Variants in ZNF469 observed in about 807,000 individuals in gnomAD.
ZNF469 encodes zinc finger protein 469.
Under a neutral mutation model 1.0 loss-of-function variants are expected in ZNF469, and 1 was observed. That is an observed-to-expected ratio of 1.00 (90% CI 0.35 to 4.73). The LOEUF is 4.73. Among genes scored for constraint, ZNF469 ranks in the 30% most tolerant of loss-of-function variants. ZNF469 has a pLI of 0.16. For missense variants in ZNF469, 6,100 were observed against 5,356.3 expected, an observed-to-expected ratio of 1.14 and a Z score of -4.33; for synonymous variants, 2,703 against 2,363.4, an observed-to-expected ratio of 1.14 and a Z score of -4.17.
chr16:88,153,869 T>C, the ZNF469 span, among the ~76,000 whole-genome samples: 2 of 152,216 alleles, frequency 1.3e-5, no homozygotes, highest in African/African-American at 4.8e-5. Context: ...CAGAAATCCC[T>C]GGTGTCTCCT....
chr16:88,254,676 T>C, the ZNF469 span, among the ~76,000 whole-genome samples: 1 of 152,308 alleles, frequency 6.6e-6, no homozygotes, highest in East Asian at 1.9e-4. Context: ...GAGAATTGCT[T>C]GATCCTGGGA....
chr16:88,310,707 T>C, the ZNF469 span, among the ~76,000 whole-genome samples: 1 of 152,114 alleles, frequency 6.6e-6, no homozygotes, highest in East Asian at 1.9e-4. Context: ...CTCAACCTCC[T>C]GAGTAGGGAT....
At chr16:88,283,931 GCGGAGGC>G in the ZNF469 span, among the ~76,000 whole-genome samples, 1 of 135,498 alleles carries the variant, frequency 7.4e-6, no homozygotes. Context: ...CCCGAGGTCT[GCGGAGGC>G]TGGTAGACCC....
chr16:88,380,329 ACTC>A, upstream of ZNF469, among the ~76,000 whole-genome samples: 1 of 125,710 alleles, frequency 8.0e-6, no homozygotes, highest in Non-Finnish European at 1.6e-5. Context: ...TCACACATGC[ACTC>A]ACACATGCGC....
chr16:88,212,488 T>G, the ZNF469 span, among the ~76,000 whole-genome samples: 1 of 152,346 alleles, frequency 6.6e-6, no homozygotes, highest in Non-Finnish European at 1.5e-5. Flanking sequence ...TCTGTTCTCC[T>G]TTGGGTACCT....
At chr16:88,135,778 T>G in the ZNF469 span, among the ~76,000 whole-genome samples, 1,478 of 124,726 alleles carry the variant, frequency 0.012, 36 homozygotes, top group African/African-American at 0.048. Context: ...TTTTTTTTTT[T>G]GGGATGGAGT....
the ZNF469 span, among the ~76,000 whole-genome samples, chr16:88,246,266 C>G: frequency 6.6e-6 from 1 of 152,228 alleles, no homozygotes; most frequent in Non-Finnish European, 1.5e-5. Context: ...TTATTCATCC[C>G]TTCTGTATTT....
chr16:88,142,736 G>T, the ZNF469 span, among the ~76,000 whole-genome samples: 2 of 152,230 alleles, frequency 1.3e-5, no homozygotes, highest in Non-Finnish European at 2.9e-5. Context: ...AGCTCACCCT[G>T]CGGGGAGTCG....
At chr16:88,186,722 G>T in the ZNF469 span, among the ~76,000 whole-genome samples, 24 of 152,212 alleles carry the variant, frequency 1.6e-4, no homozygotes, top group African/African-American at 5.8e-4. Flanking sequence ...CCTAAGAGCT[G>T]CATGTGTGCA....
the ZNF469 span, among the ~76,000 whole-genome samples, chr16:88,316,521 G>C: frequency 9.2e-4 from 137 of 148,404 alleles, no homozygotes; most frequent in African/African-American, 3.4e-3. Flanking sequence ...AGCTTGGCTG[G>C]TGAGCACTGA....
chr16:88,378,502 C>G (rs1007364583), upstream of ZNF469, among the ~76,000 whole-genome samples: 1 of 152,196 alleles, frequency 6.6e-6, no homozygotes, highest in African/African-American at 2.4e-5. Context: ...ACCCAGGAGC[C>G]GTCCTCAGGG....
chr16:88,436,483 C>T lies in ZNF469; in HGVS notation c.9013C>T (p.Pro3005Ser). The change falls in exon 3 of 3, where the codon CCT becomes TCT. Residue 3005 changes from proline (P) to serine (S), a missense_variant. By Grantham distance (74) the Pro-to-Ser change is moderately conservative (BLOSUM62 -1). Transcript: ENST00000565624. Reference protein sequence around the residue: ...AAWRGLEMPAPADDSSSSLGD... With the variant: ...AAWRGLEMPASADDSSSSLGD... ...TTGGCGAGGCCTGGAGATGCCGGCC[C>T]CTGCCGATGACTCCTCCTCTTCTCT... The T allele has an allele frequency of 1.9e-6, 3 of 1,547,428 alleles. No homozygotes were observed. The highest frequency in any genetic ancestry group is 1.7e-4 in the Middle Eastern group (1 of 5,990).
At chr16:88,153,522 C>G in the ZNF469 span, among the ~76,000 whole-genome samples, 1 of 152,246 alleles carries the variant, frequency 6.6e-6, no homozygotes. Flanking sequence ...ACCTGCCCGT[C>G]ACAGGGTGAG....
At position 88,434,784 on chromosome 16, in the gene ZNF469, C is replaced by T. The variant is rs1906452254; in HGVS notation, c.7314C>T (p.Pro2438=). The T allele has an allele frequency of 6.5e-7, 1 of 1,550,260 alleles. No homozygotes were observed. Among genetic ancestry groups the T allele is most frequent in the Admixed American group, 2.0e-5 (1 of 50,998 alleles). ...NASHQTPQGD[P]LGPQDLKQRS... ...CCCACCAGACTCCCCAGGGGGACCC[C>T]CTCGGCCCCCAAGACCTCAAACAGA... Residue 2438 remains proline, a synonymous_variant, in exon 3 of 3, where the codon CCC becomes CCT. Transcript: ENST00000565624.
chr16:88,415,982 G>A (rs894616666), intron 1 of ZNF469, among the ~76,000 whole-genome samples: 1 of 151,396 alleles, frequency 6.6e-6, no homozygotes, highest in Non-Finnish European at 1.5e-5. Context: ...TCCCCACCCA[G>A]CTCCCACCCC....
chr16:88,114,972 G>T, the ZNF469 span, among the ~76,000 whole-genome samples: 1 of 150,214 alleles, frequency 6.7e-6, no homozygotes, highest in African/African-American at 2.4e-5. Flanking sequence ...CTCTCATGGA[G>T]ACGATGCTTC....
chr16:88,244,523 C>G, the ZNF469 span, among the ~76,000 whole-genome samples: 1,442 of 124,830 alleles, frequency 0.012, 26 homozygotes, highest in African/African-American at 0.044. Context: ...ATGGATGGAT[C>G]AGTGAATTGA....
chr16:88,105,435 G>A, the ZNF469 span, among the ~76,000 whole-genome samples: 1 of 151,832 alleles, frequency 6.6e-6, no homozygotes, highest in Non-Finnish European at 1.5e-5. Flanking sequence ...CTCCCAGGTA[G>A]CTGGGACTAT....
At chr16:88,140,252 G>A in the ZNF469 span, among the ~76,000 whole-genome samples, 27 of 152,342 alleles carry the variant, frequency 1.8e-4, no homozygotes, top group Admixed American at 1.1e-3. Flanking sequence ...AAGAGAGCTG[G>A]TAAGAAAAGT....
Sources: allele counts gnomAD v4.1 joint callset (sites outside exome capture counted in the v4.1 genomes callset), GRCh38; gene constraint gnomAD v4.1.1; transcripts MANE v1.5; gene names NCBI Gene and HGNC (gene_info 2026-07-23, HGNC 2026-07-21).